MCPH1: variants seen among roughly 807,000 people sequenced by gnomAD.
MCPH1 encodes microcephalin 1, also known as microcephalin.
MCPH1 carries 104 observed loss-of-function variants against 84.5 expected under a neutral mutation model. The observed-to-expected ratio is 1.23, with a 90% CI of 1.05 to 1.45. MCPH1 has a LOEUF of 1.45. MCPH1 is among the 40% of genes most tolerant of loss of function. MCPH1 has a pLI of 0.00. For missense variants in MCPH1, 1,498 were observed against 1,005.7 expected (o/e 1.49, Z -6.62); for synonymous variants, 514 against 366.8 (o/e 1.40, Z -4.58).
At chr8:6,604,277 G>A (rs898729983) in intron 12 of MCPH1, among the ~76,000 whole-genome samples, 3 of 152,150 alleles carry the variant, frequency 2.0e-5, no homozygotes, top group Admixed American at 6.5e-5. Flanking sequence ...CCTGGAGGCC[G>A]GCAATGTGCT....
intron 12 of MCPH1, chr8:6,502,760 G>T: frequency 3.3e-6 from 1 of 303,190 alleles, no homozygotes; most frequent in Non-Finnish European, 6.2e-6. Flanking sequence ...TAAGTGTTCT[G>T]TTTTCCAGTT....
At chr8:6,540,048 A>G (rs934993403) in intron 12 of MCPH1, among the ~76,000 whole-genome samples, 23 of 152,190 alleles carry the variant, frequency 1.5e-4, no homozygotes, top group Admixed American at 2.6e-4. Flanking sequence ...GCATTCTAAC[A>G]TTAATAGTCC....
At chr8:6,439,696 C>T (rs1205373062) in intron 6 of MCPH1, among the ~76,000 whole-genome samples, 1 of 152,096 alleles carries the variant, frequency 6.6e-6, no homozygotes, top group Non-Finnish European at 1.5e-5. Context: ...GCCACCGCTC[C>T]TGGCCGTGAA....
chr8:6,511,432 A>G (rs1052226760), intron 12 of MCPH1, among the ~76,000 whole-genome samples: 2 of 152,176 alleles, frequency 1.3e-5, no homozygotes, highest in Non-Finnish European at 2.9e-5. Flanking sequence ...AATTTTTAAG[A>G]TTTAATGTAC....
intron 12 of MCPH1, among the ~76,000 whole-genome samples, chr8:6,512,637 T>G (rs1815388855): frequency 6.6e-6 from 1 of 152,122 alleles, no homozygotes; most frequent in Admixed American, 6.5e-5. Flanking sequence ...TCTATGTGCC[T>G]TGTGTACCAG....
chr8:6,629,853 G>A (rs1223139439), intron 13 of MCPH1, among the ~76,000 whole-genome samples: 2 of 152,166 alleles, frequency 1.3e-5, no homozygotes, highest in African/African-American at 4.8e-5. Flanking sequence ...CCTGGCCCCT[G>A]ATTTTCAGTT....
At chr8:6,623,390 C>G (rs554032406) in intron 13 of MCPH1, among the ~76,000 whole-genome samples, 2 of 152,080 alleles carry the variant, frequency 1.3e-5, no homozygotes, top group African/African-American at 4.8e-5. Context: ...CATTCTTTTT[C>G]TCTCTCTTTG....
chr8:6,592,614 C>CTTTTTTTTTTTTTTTTTTTTTTTTT (rs1252024553), intron 12 of MCPH1, among the ~76,000 whole-genome samples: 34 of 65,498 alleles, frequency 5.2e-4, no homozygotes, highest in East Asian at 2.9e-3. Context: ...GTTTTTCTTT[C>CTTTTTTTTTTTTTTTTTTTTTTTTT]TTTTTTTTGT....
intron 12 of MCPH1, among the ~76,000 whole-genome samples, chr8:6,545,872 A>C (rs1446283129): frequency 6.6e-6 from 1 of 152,254 alleles, no homozygotes; most frequent in Non-Finnish European, 1.5e-5. Flanking sequence ...TTCTGCTTTG[A>C]GCTACTGCAA....
intron 2 of MCPH1, among the ~76,000 whole-genome samples, chr8:6,411,521 T>G (rs1798533981): frequency 6.6e-6 from 1 of 152,178 alleles, no homozygotes; most frequent in Non-Finnish European, 1.5e-5. Flanking sequence ...AGTTCTCCAC[T>G]TTAAGGAAAG....
At chr8:6,450,613 CTG>C (rs972828799) in intron 8 of MCPH1, among the ~76,000 whole-genome samples, 6 of 151,618 alleles carry the variant, frequency 4.0e-5, no homozygotes, top group African/African-American at 1.5e-4. Flanking sequence ...CAATAAGAAA[CTG>C]TTTCTCACAT....
intron 11 of MCPH1, among the ~76,000 whole-genome samples, chr8:6,498,654 G>GTCACTGGTACGTTGTATTTC: frequency 6.6e-6 from 1 of 152,190 alleles, no homozygotes; most frequent in Admixed American, 6.5e-5. Context: ...CATGGCTTCT[G>GTCACTGGTACGTTGTATTTC]TCACTGGTAC....
chr8:6,443,497 A>T (rs1803816340), intron 7 of MCPH1, among the ~76,000 whole-genome samples: 1 of 151,510 alleles, frequency 6.6e-6, no homozygotes, highest in African/African-American at 2.5e-5. Context: ...CACTTACGTG[A>T]CCTCCAGATT....
At chr8:6,438,074 C>T (rs1802942443) in intron 5 of MCPH1, among the ~76,000 whole-genome samples, 1 of 152,172 alleles carries the variant, frequency 6.6e-6, no homozygotes, top group Admixed American at 6.5e-5. Flanking sequence ...ATGATCTGGC[C>T]TCTCTTTCTA....
chr8:6,617,372 C>T (rs1368742729), intron 12 of MCPH1, among the ~76,000 whole-genome samples: 1 of 150,932 alleles, frequency 6.6e-6, no homozygotes, highest in African/African-American at 2.4e-5. Flanking sequence ...CTCCTCCTCC[C>T]AGGTTCACAC....
At chr8:6,483,323 G>A (rs954206419) in intron 11 of MCPH1, among the ~76,000 whole-genome samples, 2 of 152,156 alleles carry the variant, frequency 1.3e-5, no homozygotes, top group Non-Finnish European at 2.9e-5. Context: ...AGACAAACTG[G>A]TTCTAAAATT....
intron 13 of MCPH1, 80 bp from the exon 14 acceptor site, chr8:6,642,914 C>G: frequency 7.7e-7 from 1 of 1,292,472 alleles, no homozygotes; most frequent in Non-Finnish European, 1.1e-6. Flanking sequence ...AATATAGTTT[C>G]ATGTATATAC....
intron 11 of MCPH1, among the ~76,000 whole-genome samples, chr8:6,493,676 G>A (rs948510794): frequency 5.3e-5 from 8 of 152,158 alleles, no homozygotes; most frequent in African/African-American, 1.9e-4. Flanking sequence ...CAGGCTTGAG[G>A]TGAGGTCCAC....
At chr8:6,631,080 A>C (rs777756426) in intron 13 of MCPH1, among the ~76,000 whole-genome samples, 2 of 152,238 alleles carry the variant, frequency 1.3e-5, no homozygotes, top group Non-Finnish European at 2.9e-5. Flanking sequence ...TGCCTGATAG[A>C]GGAAAGCCAT....
Sources: gnomAD v4.1 joint callset for allele counts (sites outside exome capture counted in the v4.1 genomes callset) on GRCh38, gnomAD v4.1.1 for gene constraint, MANE v1.5 for transcripts, NCBI Gene and HGNC (gene_info 2026-07-23, HGNC 2026-07-21) for gene names.